Variants in ERC1 observed in about 807,000 individuals in gnomAD.
ERC1 encodes ELKS/RAB6-interacting/CAST family member 1.
ERC1 carries 56 observed loss-of-function variants against 132.0 expected under a neutral mutation model. The observed-to-expected ratio is 0.42, with a 90% CI of 0.34 to 0.53. The LOEUF is 0.53. ERC1 is among the 20% of genes least tolerant of loss of function. ERC1 has a pLI of 0.03. For synonymous variants in ERC1, 478 were observed against 476.1 expected (o/e 1.00, Z -0.05); for missense variants, 1,202 against 1,349.9 (o/e 0.89, Z 1.72).
intron 2 of ERC1, among the ~76,000 whole-genome samples, chr12:1,043,052 T>C (rs1337395411): frequency 2.0e-5 from 3 of 151,066 alleles, no homozygotes; most frequent in African/African-American, 7.3e-5. Flanking sequence ...TCTTTTCTTT[T>C]TTTTTTTTTT....
chr12:1,045,598 G>T (rs1970962150), intron 2 of ERC1, among the ~76,000 whole-genome samples: 1 of 151,610 alleles, frequency 6.6e-6, no homozygotes, highest in Non-Finnish European at 1.5e-5. Context: ...TTATAGGTGA[G>T]GAAATTGAAA....
intron 1 of ERC1, among the ~76,000 whole-genome samples, chr12:993,407 T>G (rs1249458982): frequency 6.6e-6 from 1 of 152,240 alleles, no homozygotes; most frequent in African/African-American, 2.4e-5. Context: ...GGGGAAAGTC[T>G]TAAGGTAAAA....
At chr12:1,434,531 G>A (rs190595012) in intron 17 of ERC1, among the ~76,000 whole-genome samples, 17 of 152,278 alleles carry the variant, frequency 1.1e-4, no homozygotes, top group East Asian at 3.9e-4. Flanking sequence ...GTATCAGTCC[G>A]TTCTGTCAAA....
At chr12:1,102,985 A>G (rs1944844985) in intron 3 of ERC1, among the ~76,000 whole-genome samples, 1 of 152,178 alleles carries the variant, frequency 6.6e-6, no homozygotes, top group African/African-American at 2.4e-5. Flanking sequence ...AAATTTTGCC[A>G]CACTTCCTCC....
chr12:1,398,673 G>C (rs1210946340), intron 16 of ERC1, among the ~76,000 whole-genome samples: 1 of 152,152 alleles, frequency 6.6e-6, no homozygotes, highest in African/African-American at 2.4e-5. Context: ...AAAGTCGGTA[G>C]GTAGGTAGAT....
At chr12:1,017,681 T>C (rs183073026) in intron 1 of ERC1, among the ~76,000 whole-genome samples, 2 of 151,994 alleles carry the variant, frequency 1.3e-5, no homozygotes, top group Non-Finnish European at 2.9e-5. Context: ...GTATTTTTCG[T>C]AGAGATGGAG....
chr12:1,127,380 C>A (rs1326892279), intron 7 of ERC1, among the ~76,000 whole-genome samples: 6 of 152,068 alleles, frequency 3.9e-5, no homozygotes, highest in Non-Finnish European at 8.8e-5. Context: ...TTAAAAGCAG[C>A]ATAAGTGTTT....
chr12:1,158,901 A>G (rs567040947), intron 8 of ERC1, among the ~76,000 whole-genome samples: 31 of 152,282 alleles, frequency 2.0e-4, no homozygotes, highest in Non-Finnish European at 5.9e-5. Flanking sequence ...TTTCAGAGAT[A>G]CAAAAATGTA....
At chr12:1,316,365 A>G (rs73034913) in intron 15 of ERC1, among the ~76,000 whole-genome samples, 5,266 of 152,280 alleles carry the variant, frequency 0.035, 97 homozygotes, top group Middle Eastern at 0.075. Context: ...TGAAAAAGCT[A>G]CTAGATTACT....
intron 7 of ERC1, among the ~76,000 whole-genome samples, chr12:1,132,107 C>T (rs2154240913): frequency 6.6e-6 from 1 of 152,190 alleles, no homozygotes; most frequent in South Asian, 2.1e-4. Flanking sequence ...TAGTTCACTC[C>T]AAACCAAAAG....
chr12:1,220,485 G>T (rs1450915605), intron 12 of ERC1, among the ~76,000 whole-genome samples: 1 of 152,024 alleles, frequency 6.6e-6, no homozygotes, highest in Non-Finnish European at 1.5e-5. Flanking sequence ...CTTTACATCA[G>T]TTGAGAGAAA....
chr12:1,310,370 C>CT (rs1221418190), intron 15 of ERC1, among the ~76,000 whole-genome samples: 5 of 152,044 alleles, frequency 3.3e-5, no homozygotes, highest in Non-Finnish European at 7.4e-5. Context: ...ACAGGCCCAT[C>CT]TAATTTTTTT....
At chr12:1,170,336 T>C (rs1016585238) in intron 8 of ERC1, among the ~76,000 whole-genome samples, 54 of 152,294 alleles carry the variant, frequency 3.5e-4, no homozygotes, top group African/African-American at 1.2e-3. Context: ...ATACAATGGA[T>C]TTTTTTAAAA....
In ERC1 at chr12:1,073,967, C is replaced by T. The variant is rs368401961; in HGVS notation, c.670-9197C>T. Reference sequence around the variant, plus strand: ...CTGCAACCTCCGCCTCCCGGATAAGCGATTCTCCTGCCTTAGCCTCCTGAG... The same window carrying T: ...CTGCAACCTCCGCCTCCCGGATAAGTGATTCTCCTGCCTTAGCCTCCTGAG... On this transcript the variant is annotated intron_variant, in intron 2 of 18. Coordinates refer to ENST00000360905, the MANE Select transcript of ERC1 (RefSeq NM_178040.4). Among the ~76,000 whole-genome samples, 57 of 142,178 alleles carry T rather than the reference C, an allele frequency of 4.0e-4. No homozygotes were observed. In the East Asian group the frequency reaches 0.011, roughly 28 times the overall value. The allele number at this position is 142,178 out of a possible 152,430, so 93.3% of individuals were successfully genotyped here.
At chr12:1,468,196 AG>A in intron 18 of ERC1, among the ~76,000 whole-genome samples, 1 of 152,376 alleles carries the variant, frequency 6.6e-6, no homozygotes, top group South Asian at 2.1e-4. Flanking sequence ...ACAACTAGCA[AG>A]AAGGTAAAGA....
At chr12:1,226,978 C>T (rs750112139) in intron 12 of ERC1, among the ~76,000 whole-genome samples, 2 of 152,152 alleles carry the variant, frequency 1.3e-5, no homozygotes, top group Non-Finnish European at 2.9e-5. Flanking sequence ...TGCCTGGCCT[C>T]CTTTTTGTTT....
Position 1,169,407 on chromosome 12 carries a change from T to C in ERC1, c.1738-11133T>C, listed in dbSNP as rs1224243236. 2.0e-5 allele frequency among the ~76,000 whole-genome samples: 3 copies of C among 152,200 alleles called. No individual in the cohort carries two copies. In the East Asian group the frequency reaches 5.8e-4, roughly 29 times the overall value. On this transcript the variant is annotated intron_variant, in intron 8 of 18. Transcript: ENST00000360905. ...CATGGTTTGAATTCCTTCCCCCTAC[T>C]TGGGACAACAGCTTCAGAGCTCCTC...
At chr12:1,209,116 GTGCCACCA>G (rs1011536228) in intron 12 of ERC1, among the ~76,000 whole-genome samples, 33 of 152,072 alleles carry the variant, frequency 2.2e-4, no homozygotes, top group African/African-American at 7.2e-4. Context: ...TTACAGGGGT[GTGCCACCA>G]TGCCCAGCTA....
chr12:1,155,116 A>C (rs1055612077), intron 8 of ERC1, among the ~76,000 whole-genome samples: 1 of 152,146 alleles, frequency 6.6e-6, no homozygotes, highest in Admixed American at 6.5e-5. Context: ...TCAGGAGTTC[A>C]AGACAAACCT....
Sources: allele counts gnomAD v4.1 joint callset (sites outside exome capture counted in the v4.1 genomes callset), GRCh38; gene constraint gnomAD v4.1.1; transcripts MANE v1.5; gene names NCBI Gene and HGNC (gene_info 2026-07-23, HGNC 2026-07-21).